LBP: variants seen among roughly 807,000 people sequenced by gnomAD.
LBP encodes the protein lipopolysaccharide binding protein.
Under a neutral mutation model 56.6 loss-of-function variants are expected in LBP, and 53 were observed. The observed-to-expected ratio is 0.94, with a 90% CI of 0.75 to 1.18. LBP has a LOEUF of 1.18. Among genes scored for constraint, LBP ranks in the 50% most tolerant of loss-of-function variants. The pLI is 0.00. For missense variants in LBP, 601 were observed against 598.3 expected (o/e 1.00, Z -0.05); for synonymous variants, 227 against 247.5 (o/e 0.92, Z 0.78).
At chr20:38,346,858 C>A (rs943059111) in intron 1 of LBP, among the ~76,000 whole-genome samples, 1 of 152,182 alleles carries the variant, frequency 6.6e-6, no homozygotes, top group Non-Finnish European at 1.5e-5. Flanking sequence ...CACCAGCCAA[C>A]AGAACACAGC....
At chr20:38,352,005 T>C (rs2076822130) in intron 3 of LBP, among the ~76,000 whole-genome samples, 1 of 148,082 alleles carries the variant, frequency 6.8e-6, no homozygotes, top group Admixed American at 6.8e-5. Flanking sequence ...GCCACTGTAC[T>C]CCAGCCTGGG....
intron 3 of LBP, among the ~76,000 whole-genome samples, chr20:38,353,491 T>C (rs954612627): frequency 2.1e-5 from 3 of 144,218 alleles, no homozygotes; most frequent in African/African-American, 7.8e-5. Flanking sequence ...TTTTTTTTTT[T>C]TTTTTTTTTT....
intron 10 of LBP, 109 bp downstream of exon 10, chr20:38,369,271 CAACTT>C: frequency 9.1e-7 from 1 of 1,099,004 alleles, no homozygotes; most frequent in Non-Finnish European, 1.3e-6. Context: ...CTCCAGGTCT[CAACTT>C]AAATATTACT....
At position 38,354,440 on chromosome 20, in the gene LBP, G is replaced by A. The variant is rs765760484; in HGVS notation, c.524+1G>A. 2.5e-5 allele frequency: 41 copies of A among 1,609,188 alleles called. No homozygotes were observed. In the Admixed American group the frequency reaches 6.9e-4, roughly 27 times the overall value. On this transcript the variant is annotated splice_donor_variant, in intron 4 of 14. Transcript: ENST00000217407. LOFTEE classifies it high-confidence loss of function. ...AGGTGGACATGTCGGGAGACTTGGG[G>A]TAGGTCTCCATCGGGGCACTGCCAG...
At position 38,349,637 on chromosome 20, in the gene LBP, G is replaced by A. The variant is rs201798672; in HGVS notation, c.214G>A (p.Gly72Ser). 117 of 1,608,416 alleles carry A rather than the reference G, an allele frequency of 7.3e-5. No individual in the cohort carries two copies. Among genetic ancestry groups the A allele is most frequent in the Non-Finnish European group, 9.3e-5 (110 of 1,177,710 alleles). Reference sequence around the variant, plus strand: ...CGGGGACTTGAGGATCCCCCACGTCGGCCGTGGGCGCTATGAGTTCCACAG... The same window carrying A: ...CGGGGACTTGAGGATCCCCCACGTCAGCCGTGGGCGCTATGAGTTCCACAG... Reference protein sequence around the residue: ...FTGDLRIPHVGRGRYEFHSLN... With the variant: ...FTGDLRIPHVSRGRYEFHSLN... Residue 72 changes from glycine (G) to serine (S), a missense_variant, in exon 2 of 15, where the codon GGC becomes AGC. Physicochemically the swap from Gly to Ser is moderately conservative, Grantham distance 56. Coordinates refer to ENST00000217407, the MANE Select transcript of LBP (RefSeq NM_004139.5).
At chr20:38,369,296 A>G in intron 10 of LBP, 134 bp downstream of exon 10, 1 of 906,108 alleles carries the variant, frequency 1.1e-6, no homozygotes. Flanking sequence ...TTCCCGAGAG[A>G]GGGCTTTCTT....
rs768118369 is a variant in LBP, at chr20:38,376,910, T to G, written c.*241T>G. 3 of 665,232 alleles carry G rather than the reference T, an allele frequency of 4.5e-6. No individual in the cohort carries two copies. In the Admixed American group the frequency reaches 6.1e-5, roughly 14 times the overall value. The allele number at this position is 665,232 out of a possible 1,614,324, so 41.2% of individuals were successfully genotyped here. A position where few individuals can be genotyped will look rare whatever the true frequency, so the allele number is the denominator to read the frequency against. ...CACCCTCCCCGACTGGCCTGGGATA[T>G]CTTTACAAGCAGGCACTGTATTTTT... is the stretch of plus-strand genomic sequence containing the variant. On this transcript the variant is annotated 3_prime_UTR_variant, in exon 15 of 15. Coordinates refer to ENST00000217407, the MANE Select transcript of LBP (RefSeq NM_004139.5).
chr20:38,363,893 T>C (rs1474888388), intron 6 of LBP, 82 bp from the exon 7 acceptor site: 2 of 972,954 alleles, frequency 2.1e-6, no homozygotes, highest in Non-Finnish European at 3.3e-6. Context: ...ACAGGGAATG[T>C]GAGTCAGCCA....
chr20:38,375,997 A>C (rs978418452), intron 14 of LBP, among the ~76,000 whole-genome samples: 1 of 152,222 alleles, frequency 6.6e-6, no homozygotes, highest in Non-Finnish European at 1.5e-5. Flanking sequence ...TGTTCAAAGC[A>C]AAGATTGAGT....
chr20:38,364,699 A>ATGAG lies in LBP; in HGVS notation c.868_869insTGAG (p.Ser290MetfsTer7). 1 of 1,614,098 alleles carries ATGAG rather than the reference A, an allele frequency of 6.2e-7. No individual in the cohort carries two copies. Among genetic ancestry groups the ATGAG allele is most frequent in the East Asian group, 2.2e-5 (1 of 44,884 alleles). ...CTCGGATTATGTCTTCAACACGGCCAGCCTGGTTTATCATGAGGAAGGATA... is the reference window on the plus strand; with the variant it reads ...CTCGGATTATGTCTTCAACACGGCCATGAGGCCTGGTTTATCATGAGGAAGGATA... On this transcript the variant is annotated frameshift_variant, in exon 8 of 15. Transcript: ENST00000217407. LOFTEE classifies it high-confidence loss of function.
At chr20:38,356,347 GCACACACCA>G (rs142240566) in intron 5 of LBP, among the ~76,000 whole-genome samples, 6,450 of 83,826 alleles carry the variant, frequency 0.077, 172 homozygotes, top group South Asian at 0.12. Flanking sequence ...CCCCCTACAT[GCACACACCA>G]CACACACCCT....
chr20:38,355,348 G>T lies in LBP; in HGVS notation c.527G>T (p.Trp176Leu). Residue 176 changes from tryptophan (W) to leucine (L), a missense_variant and splice_region_variant, in exon 5 of 15, where the codon TGG becomes TTG. Physicochemically the swap from Trp to Leu is moderately conservative, Grantham distance 61 (BLOSUM62 -2). Coordinates refer to ENST00000217407, the MANE Select transcript of LBP (RefSeq NM_004139.5). ...GCAGACTGTGCTTCTCTCCCCAGGT[G>T]GCTGTTGAACCTCTTCCACAACCAG... ...VEVDMSGDLG[W>L]LLNLFHNQIE... The T allele has an allele frequency of 6.2e-7, 1 of 1,613,748 alleles. No homozygotes were observed. Among genetic ancestry groups the T allele is most frequent in the South Asian group, 1.1e-5 (1 of 91,084 alleles).
At chr20:38,355,098 G>C (rs1457171474) in intron 4 of LBP, among the ~76,000 whole-genome samples, 1 of 152,142 alleles carries the variant, frequency 6.6e-6, no homozygotes, top group Non-Finnish European at 1.5e-5. Flanking sequence ...CCCCGCAAAA[G>C]AAAAGAAAAA....
At chr20:38,367,720 C>T (rs1308516791) in intron 9 of LBP, among the ~76,000 whole-genome samples, 1 of 152,192 alleles carries the variant, frequency 6.6e-6, no homozygotes, top group Non-Finnish European at 1.5e-5. Context: ...ATTTTACCCC[C>T]TCAGCCTTCC....
chr20:38,366,744 ACTT>A (rs376746130), intron 8 of LBP, 22 bp from the exon 9 acceptor site: 1 of 1,612,862 alleles, frequency 6.2e-7, no homozygotes. Context: ...GCACCCTAAA[ACTT>A]CTTCATGTCT....
At chr20:38,346,810 A>T (rs2076802963) in intron 1 of LBP, among the ~76,000 whole-genome samples, 170 bp downstream of exon 1, 1 of 152,196 alleles carries the variant, frequency 6.6e-6, no homozygotes, top group African/African-American at 2.4e-5. Flanking sequence ...CCACCAGCTG[A>T]GTGCCCTGGG....
rs113153790 is a variant in LBP, at chr20:38,368,545, G to A, written c.982-450G>A. Reference sequence around the variant, plus strand: ...ACCCCAGAGGCAGAGGTTGCAGTGAGCTGAGATGGCACCATTGCACTCCAG... The same window carrying A: ...ACCCCAGAGGCAGAGGTTGCAGTGAACTGAGATGGCACCATTGCACTCCAG... On this transcript the variant is annotated intron_variant, in intron 9 of 14. Coordinates refer to ENST00000217407, the MANE Select transcript of LBP (RefSeq NM_004139.5). 5.5e-3 allele frequency among the ~76,000 whole-genome samples: 833 copies of A among 152,276 alleles called. 8 individuals carry two copies. The highest frequency in any genetic ancestry group is 0.019 in the African/African-American group (792 of 41,552).
chr20:38,374,167 A>G (rs1321367462), intron 14 of LBP, among the ~76,000 whole-genome samples, 154 bp downstream of exon 14: 3 of 152,216 alleles, frequency 2.0e-5, no homozygotes, highest in Non-Finnish European at 4.4e-5. Context: ...GCCTTGCCAT[A>G]TGCCACAAAG....
intron 13 of LBP, among the ~76,000 whole-genome samples, chr20:38,373,700 T>C (rs2076908469): frequency 1.3e-5 from 2 of 152,096 alleles, no homozygotes; most frequent in African/African-American, 2.4e-5. Context: ...CCTCCCTGGG[T>C]TTAAATCCCC....
Sources: allele counts gnomAD v4.1 joint callset (sites outside exome capture counted in the v4.1 genomes callset), GRCh38; gene constraint gnomAD v4.1.1; transcripts MANE v1.5; gene names NCBI Gene and HGNC (gene_info 2026-07-23, HGNC 2026-07-21).